The following GEMIN5 variants were observed in gnomAD, a reference collection of about 807,000 sequenced individuals.
GEMIN5 encodes the protein gem nuclear organelle associated protein 5, also known as gem-associated protein 5.
GEMIN5 carries 124 observed loss-of-function variants against 176.9 expected under a neutral mutation model. The observed-to-expected ratio is 0.70, with a 90% CI of 0.61 to 0.81. The LOEUF (loss-of-function observed/expected upper bound fraction) is 0.81. Among genes scored for constraint, GEMIN5 ranks in the 40% least tolerant of loss-of-function variants. GEMIN5 has a pLI of 0.00. For synonymous variants in GEMIN5, 673 were observed against 665.2 expected (o/e 1.01, Z -0.18); for missense variants, 1,843 against 1,814.6 (o/e 1.02, Z -0.28).
intron 1 of GEMIN5, among the ~76,000 whole-genome samples, chr5:154,937,405 A>T (rs1764292240): frequency 6.6e-6 from 1 of 152,234 alleles, no homozygotes. Context: ...CTCAACTGTG[A>T]AATGAATGTT....
At chr5:154,919,066 A>G (rs143675610) in intron 11 of GEMIN5, among the ~76,000 whole-genome samples, 230 of 151,740 alleles carry the variant, frequency 1.5e-3, no homozygotes, top group African/African-American at 5.1e-3. Context: ...AAATAAATAA[A>G]AATACTCATT....
intron 9 of GEMIN5, among the ~76,000 whole-genome samples, 153 bp from the exon 10 acceptor site, chr5:154,921,578 A>C (rs1320281667): frequency 6.6e-6 from 1 of 152,220 alleles, no homozygotes; most frequent in Non-Finnish European, 1.5e-5. Flanking sequence ...CAAATAGTTG[A>C]CTGTAAAGCA....
rs1763545614 is a variant in GEMIN5, at chr5:154,905,248, T to C, written c.2509+115A>G. 3 of 510,482 alleles carry C rather than the reference T, an allele frequency of 5.9e-6. No homozygotes were observed. In the Admixed American group the frequency reaches 1.1e-4, roughly 19 times the overall value. 31.6% of individuals were successfully genotyped at this position (510,482 alleles called of 1,614,324 possible). On this transcript the variant is annotated intron_variant, in intron 17 of 27. Transcript: ENST00000285873. ...CATAATCAGAAAACCTACAAATATT[T>C]TGAACCTATAAAAACAAACAAGAAA...
At chr5:154,935,248 C>G (rs542952929) in intron 3 of GEMIN5, among the ~76,000 whole-genome samples, 41 of 152,314 alleles carry the variant, frequency 2.7e-4, no homozygotes, top group African/African-American at 8.7e-4. Flanking sequence ...TTGTGTATCT[C>G]TATTGCCTTA....
At chr5:154,928,790 AT>A in intron 5 of GEMIN5, 131 bp from the exon 6 acceptor site, 1 of 713,172 alleles carries the variant, frequency 1.4e-6, no homozygotes, top group Non-Finnish European at 2.4e-6. Context: ...TTCAGATCTC[AT>A]TTTCCAATGG....
intron 13 of GEMIN5, among the ~76,000 whole-genome samples, 167 bp from the exon 14 acceptor site, chr5:154,913,205 T>C (rs1417727861): frequency 6.6e-6 from 1 of 151,924 alleles, no homozygotes; most frequent in East Asian, 1.9e-4. Flanking sequence ...CAGGCTGGAG[T>C]GCAATGGCGC....
chr5:154,912,728 GC>G (rs1160999195), intron 14 of GEMIN5, among the ~76,000 whole-genome samples, 170 bp downstream of exon 14: 1 of 151,740 alleles, frequency 6.6e-6, no homozygotes, highest in African/African-American at 2.4e-5. Context: ...CCCAGTCTTA[GC>G]CTAGGCCCTA....
intron 12 of GEMIN5, among the ~76,000 whole-genome samples, chr5:154,917,463 A>T (rs1253275440): frequency 6.6e-6 from 1 of 152,238 alleles, no homozygotes; most frequent in Admixed American, 6.5e-5. Flanking sequence ...TCAGTGTAAC[A>T]ATCTCCTAGC....
At chr5:154,900,237 C>G (rs768742155) in intron 21 of GEMIN5, among the ~76,000 whole-genome samples, 7 of 152,142 alleles carry the variant, frequency 4.6e-5, no homozygotes, top group Non-Finnish European at 1.0e-4. Context: ...AAGATCTGAA[C>G]AACTCAGTAA....
chr5:154,913,229 A>G (rs1047898117), intron 13 of GEMIN5, among the ~76,000 whole-genome samples, 191 bp from the exon 14 acceptor site: 3 of 151,978 alleles, frequency 2.0e-5, no homozygotes, highest in Non-Finnish European at 4.4e-5. Flanking sequence ...GCAATGGCGC[A>G]ATCTCGGCTC....
At chr5:154,900,292 C>G (rs1763436733) in intron 21 of GEMIN5, among the ~76,000 whole-genome samples, 1 of 152,132 alleles carries the variant, frequency 6.6e-6, no homozygotes, top group East Asian at 1.9e-4. Flanking sequence ...TTGTAGCCAA[C>G]ATAAAGTTGT....
intron 20 of GEMIN5, 140 bp downstream of exon 20, chr5:154,902,398 GT>G (rs1763483278): frequency 1.4e-6 from 1 of 725,396 alleles, no homozygotes; most frequent in African/African-American, 1.8e-5. Flanking sequence ...GGATTTATTA[GT>G]TTGTCTATTG....
chr5:154,913,789 CCT>C (rs1188370515), intron 13 of GEMIN5, among the ~76,000 whole-genome samples: 1 of 152,042 alleles, frequency 6.6e-6, no homozygotes, highest in Non-Finnish European at 1.5e-5. Context: ...TGTACTACAG[CCT>C]GGGTGACAGA....
At chr5:154,908,171 C>CTTTTTTT (rs1561716794) in intron 15 of GEMIN5, among the ~76,000 whole-genome samples, 2 of 88,708 alleles carry the variant, frequency 2.3e-5, no homozygotes, top group Admixed American at 1.3e-4. Context: ...ACCCAGATGT[C>CTTTTTTT]CTTTTTTTTT....
chr5:154,901,224 A>C, intron 21 of GEMIN5, 115 bp downstream of exon 21: 2 of 985,762 alleles, frequency 2.0e-6, no homozygotes, highest in Non-Finnish European at 3.0e-6. Context: ...CCAGTTACTC[A>C]GGGGGCTGAA....
At chr5:154,908,688 G>C (rs960980614) in intron 15 of GEMIN5, among the ~76,000 whole-genome samples, 1 of 152,186 alleles carries the variant, frequency 6.6e-6, no homozygotes, top group Non-Finnish European at 1.5e-5. Context: ...TTCATGACTA[G>C]ATTTAGGGTA....
intron 9 of GEMIN5, among the ~76,000 whole-genome samples, chr5:154,922,159 C>T (rs763342706): frequency 6.6e-6 from 1 of 152,040 alleles, no homozygotes; most frequent in Non-Finnish European, 1.5e-5. Context: ...ATACTTTAGC[C>T]TATTTATTTT....
chr5:154,890,309 G>T (rs1261087232), intron 26 of GEMIN5, among the ~76,000 whole-genome samples: 2 of 151,856 alleles, frequency 1.3e-5, no homozygotes, highest in Non-Finnish European at 2.9e-5. Context: ...GTTATGCCTG[G>T]GTAGCTTTTA....
At chr5:154,897,449 AC>A (rs1189483365) in intron 23 of GEMIN5, among the ~76,000 whole-genome samples, 3 of 152,356 alleles carry the variant, frequency 2.0e-5, no homozygotes, top group African/African-American at 7.2e-5. Context: ...TCAGATGGGA[AC>A]AAAAAAATTT....
Sources: gnomAD v4.1 joint callset for allele counts (sites outside exome capture counted in the v4.1 genomes callset) on GRCh38, gnomAD v4.1.1 for gene constraint, MANE v1.5 for transcripts, NCBI Gene and HGNC (gene_info 2026-07-23, HGNC 2026-07-21) for gene names.